Variants in LRRC4C observed in about 807,000 individuals in gnomAD.
LRRC4C encodes the protein leucine-rich repeat-containing protein 4C.
In LRRC4C, 5 loss-of-function variants were observed where a neutral mutation model predicts 33.6. That is an observed-to-expected ratio of 0.15 (90% CI 0.08 to 0.31). The LOEUF is 0.31. Ranked by LOEUF, LRRC4C falls within the 10% of genes least tolerant of loss-of-function variation. The probability of loss-of-function intolerance (pLI) is 1.00; values close to 1 mark genes in which losing one functional copy is unlikely to be tolerated. For missense variants in LRRC4C, 560 were observed against 796.7 expected, an observed-to-expected ratio of 0.70 and a Z score of 3.58; for synonymous variants, 329 against 302.0, an observed-to-expected ratio of 1.09 and a Z score of -0.93.
Position 40,653,032 on chromosome 11 carries a change from T to A in LRRC4C, c.-406-4754A>T, listed in dbSNP as rs142725111. On this transcript the variant is annotated intron_variant, in intron 2 of 6. Coordinates refer to ENST00000528697, the MANE Select transcript of LRRC4C (RefSeq NM_001258419.2). ...CCCTGTGAAGCGGTGCCTTCTGCCA[T>A]GATTGTAAGTGTCATGAGGCTTTCC... Among the ~76,000 whole-genome samples the A allele has an allele frequency of 2.7e-3, 415 of 152,308 alleles. 1 individual carries two copies. The highest frequency in any genetic ancestry group is 9.6e-3 in the African/African-American group (398 of 41,584).
chr11:40,379,568 C>T (rs1208016173), intron 3 of LRRC4C, among the ~76,000 whole-genome samples: 1 of 152,030 alleles, frequency 6.6e-6, no homozygotes, highest in Non-Finnish European at 1.5e-5. Context: ...CCGGTTAGTT[C>T]TAAATAACTG....
chr11:41,292,022 C>T (rs749620620), intron 1 of LRRC4C, among the ~76,000 whole-genome samples: 3 of 152,196 alleles, frequency 2.0e-5, no homozygotes, highest in Non-Finnish European at 2.9e-5. Context: ...AACCCCTTCC[C>T]GAACCAGGTT....
At chr11:41,048,663 T>C (rs1206062692) in intron 1 of LRRC4C, among the ~76,000 whole-genome samples, 4 of 152,178 alleles carry the variant, frequency 2.6e-5, no homozygotes, top group Non-Finnish European at 5.9e-5. Flanking sequence ...AAACATTTTG[T>C]ATTTTTATTC....
chr11:41,074,035 A>G (rs978733984), intron 1 of LRRC4C, among the ~76,000 whole-genome samples: 1 of 152,228 alleles, frequency 6.6e-6, no homozygotes, highest in African/African-American at 2.4e-5. Context: ...TATTTCAGAT[A>G]CAACTTTCAA....
Position 40,597,491 on chromosome 11 carries a change from A to T in LRRC4C, c.-270+50651T>A, listed in dbSNP as rs574891572. Among the ~76,000 whole-genome samples the T allele has an allele frequency of 5.9e-5, 9 of 152,218 alleles. No individual in the cohort carries two copies. The South Asian group carries it at 1.9e-3, about 32-fold the overall frequency. On this transcript the variant is annotated intron_variant, in intron 3 of 6. Transcript: ENST00000528697. ...TCTATCATCAATCCATCCTCACTGTATTTCACTTCTCATCATTTTTAAGCC... is the reference window on the plus strand; with the variant it reads ...TCTATCATCAATCCATCCTCACTGTTTTTCACTTCTCATCATTTTTAAGCC...
At chr11:40,719,656 T>C (rs761021728) in intron 2 of LRRC4C, among the ~76,000 whole-genome samples, 2 of 152,206 alleles carry the variant, frequency 1.3e-5, no homozygotes, top group Non-Finnish European at 2.9e-5. Context: ...CTATGCAAAC[T>C]GCCATGTTTT....
At position 40,539,232 on chromosome 11, in the gene LRRC4C, C is replaced by G. The variant is rs1401267103; in HGVS notation, c.-270+108910G>C. 2.6e-5 allele frequency among the ~76,000 whole-genome samples: 4 copies of G among 152,174 alleles called. No homozygotes were observed. In the East Asian group the frequency reaches 5.8e-4, roughly 22 times the overall value. The stretch of plus-strand genomic sequence containing the variant: ...CTTAGTGTTGACTTTCAGACCAAAG[C>G]AAATTATCCATTTCACATGCTTCAC... On this transcript the variant is annotated intron_variant, in intron 3 of 6. Transcript: ENST00000528697.
At chr11:41,171,291 A>G (rs1386951083) in intron 1 of LRRC4C, among the ~76,000 whole-genome samples, 1 of 152,214 alleles carries the variant, frequency 6.6e-6, no homozygotes, top group Non-Finnish European at 1.5e-5. Context: ...GCTGCTTTAA[A>G]GACACACACA....
chr11:41,002,553 T>C (rs2137403446), intron 1 of LRRC4C, among the ~76,000 whole-genome samples: 1 of 152,280 alleles, frequency 6.6e-6, no homozygotes, highest in South Asian at 2.1e-4. Context: ...GAGCTTCTCA[T>C]TACATGGTAG....
chr11:41,072,379 T>C (rs1394709238), intron 1 of LRRC4C, among the ~76,000 whole-genome samples: 1 of 147,408 alleles, frequency 6.8e-6, no homozygotes, highest in East Asian at 2.0e-4. Flanking sequence ...TAAAAAAAAA[T>C]TGTGATCTCC....
chr11:41,315,190 T>C (rs1345330784), intron 1 of LRRC4C, among the ~76,000 whole-genome samples: 1 of 152,112 alleles, frequency 6.6e-6, no homozygotes, highest in Non-Finnish European at 1.5e-5. Flanking sequence ...GCAACTTGAG[T>C]TTTGTTGTCA....
intron 3 of LRRC4C, among the ~76,000 whole-genome samples, chr11:40,546,092 T>A (rs202145781): frequency 3.0e-4 from 18 of 59,064 alleles, no homozygotes; most frequent in South Asian, 5.9e-4. Context: ...CTACCTTCCT[T>A]CCTTCCTTCC....
chr11:41,224,013 A>G (rs1947417934), intron 1 of LRRC4C, among the ~76,000 whole-genome samples: 1 of 152,180 alleles, frequency 6.6e-6, no homozygotes, highest in South Asian at 2.1e-4. Flanking sequence ...TCTGTTTCCT[A>G]TCACAGTGAA....
At chr11:40,848,413 G>A (rs1038831258) in intron 2 of LRRC4C, among the ~76,000 whole-genome samples, 11 of 152,060 alleles carry the variant, frequency 7.2e-5, no homozygotes, top group African/African-American at 1.2e-4. Flanking sequence ...TTACCCAGTC[G>A]TTATTCAGTA....
intron 3 of LRRC4C, among the ~76,000 whole-genome samples, chr11:40,455,682 A>G (rs951286040): frequency 5.3e-5 from 8 of 152,122 alleles, no homozygotes; most frequent in Admixed American, 5.2e-4. Context: ...TTTTGCAGAC[A>G]TTGTTGCCTT....
At chr11:40,483,103 C>T (rs1953673144) in intron 3 of LRRC4C, among the ~76,000 whole-genome samples, 1 of 152,118 alleles carries the variant, frequency 6.6e-6, no homozygotes, top group Non-Finnish European at 1.5e-5. Flanking sequence ...AAGGGAAACC[C>T]TTTTTAGATG....
chr11:41,309,904 A>G (rs1385521198), intron 1 of LRRC4C, among the ~76,000 whole-genome samples: 2 of 152,218 alleles, frequency 1.3e-5, no homozygotes, highest in African/African-American at 4.8e-5. Flanking sequence ...GAAATAATTG[A>G]CTAGTAGTGT....
intron 1 of LRRC4C, among the ~76,000 whole-genome samples, chr11:41,336,304 C>A (rs904145662): frequency 6.7e-6 from 1 of 150,024 alleles, no homozygotes; most frequent in African/African-American, 2.5e-5. Context: ...TATTAATCTA[C>A]AACAATGAAA....
intron 3 of LRRC4C, among the ~76,000 whole-genome samples, chr11:40,323,439 G>C (rs1945949169): frequency 6.6e-6 from 1 of 152,184 alleles, no homozygotes; most frequent in South Asian, 2.1e-4. Flanking sequence ...ACTTGGAACA[G>C]AGTCTATTGA....
Sources: allele counts gnomAD v4.1 joint callset (sites outside exome capture counted in the v4.1 genomes callset), GRCh38; gene constraint gnomAD v4.1.1; transcripts MANE v1.5; gene names NCBI Gene and HGNC (gene_info 2026-07-23, HGNC 2026-07-21).